The following TYW3 variants were observed in gnomAD, a reference collection of about 807,000 sequenced individuals.
TYW3 encodes the protein tRNA wybutosine-synthesizing protein 3 homolog.
TYW3 carries 26 observed loss-of-function variants against 23.1 expected under a neutral mutation model. The observed-to-expected ratio is 1.13, with a 90% confidence interval of 0.83 to 1.56. The LOEUF (loss-of-function observed/expected upper bound fraction) is 1.56, where lower values mean the gene tolerates loss of function less well. Among genes scored for constraint, TYW3 ranks in the 40% most tolerant of loss-of-function variants. The probability of loss-of-function intolerance (pLI) is 0.00; values close to 1 mark genes in which losing one functional copy is unlikely to be tolerated. For missense variants in TYW3, 316 were observed against 311.9 expected (o/e 1.01, Z -0.10); for synonymous variants, 102 against 105.7 (o/e 0.97, Z 0.21).
chr1:74,744,938 G>A (rs56289126), intron 3 of TYW3, among the ~76,000 whole-genome samples: 6,856 of 151,780 alleles, frequency 0.045, 178 homozygotes, highest in Non-Finnish European at 0.058. Context: ...TCATGGTCTC[G>A]CTGACTTCAG....
intron 1 of TYW3, 148 bp downstream of exon 1, chr1:74,733,566 G>T: frequency 7.0e-7 from 1 of 1,433,028 alleles, no homozygotes; most frequent in Non-Finnish European, 9.1e-7. Context: ...AAATTTAGGG[G>T]ATTAGATCAG....
intron 1 of TYW3, among the ~76,000 whole-genome samples, chr1:74,735,062 T>G (rs1648099722): frequency 6.6e-6 from 1 of 152,214 alleles, no homozygotes; most frequent in African/African-American, 2.4e-5. Context: ...CCCATTTCCA[T>G]AACTCTGTCT....
intron 5 of TYW3, among the ~76,000 whole-genome samples, chr1:74,757,697 G>A (rs762215107): frequency 6.6e-6 from 1 of 152,190 alleles, no homozygotes; most frequent in Non-Finnish European, 1.5e-5. Context: ...TTGGGGGACT[G>A]TTGGAAAGGG....
chr1:74,750,385 G>C (rs536387790), intron 4 of TYW3: 1 of 152,260 alleles, frequency 6.6e-6, no homozygotes, highest in Admixed American at 6.5e-5. Flanking sequence ...CCAACATGGT[G>C]AAACCCCATC....
chr1:74,760,931 G>A (rs1649117104), intron 5 of TYW3, among the ~76,000 whole-genome samples: 1 of 152,196 alleles, frequency 6.6e-6, no homozygotes, highest in Non-Finnish European at 1.5e-5. Context: ...TCTCAGGCTT[G>A]GCCTGAAAAC....
chr1:74,744,357 G>C (rs1322111784), intron 3 of TYW3, among the ~76,000 whole-genome samples: 3 of 151,632 alleles, frequency 2.0e-5, no homozygotes, highest in African/African-American at 7.3e-5. Context: ...CCATCAGAGA[G>C]AGAATATTGG....
At chr1:74,749,544 T>G (rs1335731045) in intron 4 of TYW3, among the ~76,000 whole-genome samples, 2 of 152,210 alleles carry the variant, frequency 1.3e-5, no homozygotes, top group Non-Finnish European at 2.9e-5. Flanking sequence ...ATGGCATGTT[T>G]TTGAACTATT....
intron 3 of TYW3, among the ~76,000 whole-genome samples, chr1:74,745,619 G>T (rs1302303462): frequency 6.6e-6 from 1 of 152,204 alleles, no homozygotes; most frequent in Admixed American, 6.5e-5. Flanking sequence ...ACTCGACCCA[G>T]GAAGTCCAGC....
intron 4 of TYW3, among the ~76,000 whole-genome samples, chr1:74,749,959 C>CAAAGAA (rs1314092220): frequency 1.3e-5 from 2 of 151,916 alleles, no homozygotes; most frequent in African/African-American, 2.4e-5. Flanking sequence ...CTCAAAAAAA[C>CAAAGAA]AAAGAAAAGA....
In TYW3 at chr1:74,766,491, A is replaced by G. The variant is rs1009003435; in HGVS notation, c.*2378A>G. The G allele has an allele frequency of 1.3e-5, 2 of 151,938 alleles. No individual in the cohort carries two copies. Among genetic ancestry groups the G allele is most frequent in the African/African-American group, 4.8e-5 (2 of 41,368 alleles). 9.4% of individuals were successfully genotyped at this position (151,938 alleles called of 1,614,324 possible). ...AGTTTTTCACAAAAAGGTTTTTCCA[A>G]TGTTAAAAAAAATATATAAAAAAGC... On this transcript the variant is annotated 3_prime_UTR_variant, in exon 6 of 6. Coordinates refer to ENST00000370867, the MANE Select transcript of TYW3 (RefSeq NM_138467.3).
At chr1:74,737,534 G>A (rs1648191992) in intron 2 of TYW3, among the ~76,000 whole-genome samples, 1 of 152,210 alleles carries the variant, frequency 6.6e-6, no homozygotes, top group African/African-American at 2.4e-5. Context: ...TAGGGAGAGT[G>A]ATGTGTGACA....
intron 5 of TYW3, among the ~76,000 whole-genome samples, chr1:74,756,824 C>G (rs1309206555): frequency 6.6e-6 from 1 of 152,168 alleles, no homozygotes; most frequent in Non-Finnish European, 1.5e-5. Flanking sequence ...GCCCAGAGGC[C>G]TAGGAGGAAA....
At chr1:74,744,298 C>T (rs1207129263) in intron 3 of TYW3, among the ~76,000 whole-genome samples, 1 of 152,038 alleles carries the variant, frequency 6.6e-6, no homozygotes, top group Non-Finnish European at 1.5e-5. Flanking sequence ...AAAGATCAAG[C>T]TGCAGGATAG....
intron 3 of TYW3, among the ~76,000 whole-genome samples, chr1:74,747,368 T>G (rs959634149): frequency 2.0e-4 from 31 of 152,156 alleles, no homozygotes; most frequent in African/African-American, 6.5e-4. Context: ...CCAGGCGCGG[T>G]GGCTCACGCC....
intron 3 of TYW3, among the ~76,000 whole-genome samples, chr1:74,739,013 T>C (rs1240835410): frequency 3.3e-5 from 5 of 152,218 alleles, no homozygotes; most frequent in African/African-American, 1.2e-4. Context: ...CTGTTTTCTT[T>C]CTTAACGTTT....
intron 4 of TYW3, chr1:74,751,240 G>GT (rs1187466928): frequency 6.6e-6 from 1 of 152,134 alleles, no homozygotes; most frequent in Non-Finnish European, 1.5e-5. Flanking sequence ...GCCAGTGTGT[G>GT]TGTATGTGTG....
At chr1:74,737,125 G>C (rs1648181235) in intron 2 of TYW3, among the ~76,000 whole-genome samples, 1 of 152,140 alleles carries the variant, frequency 6.6e-6, no homozygotes, top group South Asian at 2.1e-4. Flanking sequence ...TTCATTCCCA[G>C]TGAATTTACA....
intron 3 of TYW3, among the ~76,000 whole-genome samples, chr1:74,744,415 C>T (rs1488252597): frequency 1.3e-5 from 2 of 151,914 alleles, no homozygotes; most frequent in Non-Finnish European, 2.9e-5. Flanking sequence ...CTCTTTTTCA[C>T]GGTTTGCGGG....
chr1:74,740,881 CA>C (rs1481718093), intron 3 of TYW3, among the ~76,000 whole-genome samples: 37 of 152,358 alleles, frequency 2.4e-4, no homozygotes, highest in Non-Finnish European at 4.7e-4. Flanking sequence ...TCCAAGTCCC[CA>C]CTTGACCCAG....
Sources: allele counts gnomAD v4.1 joint callset (sites outside exome capture counted in the v4.1 genomes callset), GRCh38; gene constraint gnomAD v4.1.1; transcripts MANE v1.5; gene names NCBI Gene and HGNC (gene_info 2026-07-23, HGNC 2026-07-21).